The following WDR36 variants were observed in gnomAD, a reference collection of about 807,000 sequenced individuals.
WDR36 encodes WD repeat-containing protein 36.
WDR36 carries 63 observed loss-of-function variants against 112.7 expected under a neutral mutation model. The ratio of observed to expected loss-of-function variants is 0.56; its 90% CI spans 0.46 to 0.69. WDR36 has a LOEUF of 0.69. WDR36 is among the 30% of genes least tolerant of loss of function. The pLI is 0.00. For synonymous variants in WDR36, 410 were observed against 362.2 expected (o/e 1.13, Z -1.50); for missense variants, 1,226 against 1,070.3 (o/e 1.15, Z -2.03).
In WDR36 at chr5:111,104,015, A is replaced by C. The variant is rs921208098; in HGVS notation, c.730+97A>C. ...TTGTCTTCTGGTAGCTTAATCTAAT[A>C]GAAGTGAATGAATACTGGAGTAAAA... On this transcript the variant is annotated intron_variant, in intron 7 of 22. Coordinates refer to ENST00000513710, the MANE Select transcript of WDR36 (RefSeq NM_139281.3). 4 of 1,499,524 alleles carry C rather than the reference A, an allele frequency of 2.7e-6. No individual in the cohort carries two copies. In the African/African-American group the frequency reaches 5.6e-5, roughly 21 times the overall value. The allele number at this position is 1,499,524 out of a possible 1,614,324, so 92.9% of individuals were successfully genotyped here.
intron 19 of WDR36, among the ~76,000 whole-genome samples, chr5:111,122,254 G>A (rs2112589800): frequency 6.6e-6 from 1 of 152,226 alleles, no homozygotes; most frequent in Admixed American, 6.5e-5. Flanking sequence ...TGTGAGGGGA[G>A]CAATCAGAAT....
At chr5:111,115,720 A>T (rs1437779158) in intron 16 of WDR36, among the ~76,000 whole-genome samples, 1 of 152,220 alleles carries the variant, frequency 6.6e-6, no homozygotes, top group Admixed American at 6.5e-5. Context: ...GTGTATTAAC[A>T]TACAGGTATA....
At position 111,110,193 on chromosome 5, in the gene WDR36, T is replaced by C. The variant is rs149541471; in HGVS notation, c.1331T>C (p.Val444Ala). The change falls in exon 13 of 23, where the codon GTG becomes GCG. Residue 444 changes from valine (V) to alanine (A), a missense_variant. Val to Ala is a moderately conservative substitution (Grantham distance 64). Coordinates refer to ENST00000513710, the MANE Select transcript of WDR36 (RefSeq NM_139281.3). ...TGTGGGTTTTTTTTCTTAAAGGCAG[T>C]GGATATAACTTCTTGTGGAAACTTT... ...LKKDDITATA[V>A]DITSCGNFAV... The C allele has an allele frequency of 1.2e-6, 2 of 1,609,052 alleles. No individual in the cohort carries two copies. The highest frequency in any genetic ancestry group is 2.7e-5 in the African/African-American group (2 of 74,804).
Position 111,092,570 on chromosome 5 carries a change from C to G in WDR36, c.114C>G (p.Arg38=), listed in dbSNP as rs1432558212. The change falls in exon 1 of 23, where the codon CGC becomes CGG. Residue 38 remains arginine (R), a synonymous_variant. Transcript: ENST00000513710. ...PHVVRFSALK[R]RFYVTTCVGK... The stretch of plus-strand genomic sequence containing the variant: ...TGGTGCGGTTCAGCGCGCTCAAGCG[C>G]CGGTTCTATGTAACAACCTGCGTGG... 1.9e-6 allele frequency: 3 copies of G among 1,614,062 alleles called. No homozygotes were observed. The highest frequency in any genetic ancestry group is 2.5e-6 in the Non-Finnish European group (3 of 1,180,038).
At chr5:111,121,273 C>A in intron 19 of WDR36, 132 bp downstream of exon 19, 1 of 901,698 alleles carries the variant, frequency 1.1e-6, no homozygotes, top group African/African-American at 1.7e-5. Context: ...ACTGACAATG[C>A]TATTTAATCA....
chr5:111,111,011 T>C (rs112972933), intron 14 of WDR36, 58 bp downstream of exon 14: 2 of 1,597,850 alleles, frequency 1.3e-6, no homozygotes, highest in Admixed American at 3.3e-5. Context: ...AGTCATAAAG[T>C]CACAATTTAC....
intron 19 of WDR36, among the ~76,000 whole-genome samples, chr5:111,121,674 G>A (rs1325513886): frequency 6.6e-6 from 1 of 152,084 alleles, no homozygotes; most frequent in Non-Finnish European, 1.5e-5. Context: ...GTATGGTGGT[G>A]AAGAAAAAAC....
chr5:111,103,570 T>C (rs1291969595), intron 6 of WDR36, among the ~76,000 whole-genome samples: 2 of 151,710 alleles, frequency 1.3e-5, no homozygotes, highest in Non-Finnish European at 3.0e-5. Flanking sequence ...ACTGGCAGAA[T>C]TGAAGCTGGG....
intron 2 of WDR36, among the ~76,000 whole-genome samples, chr5:111,096,486 C>T (rs557336772): frequency 1.3e-5 from 2 of 152,194 alleles, no homozygotes; most frequent in Non-Finnish European, 2.9e-5. Flanking sequence ...GGCAGATCAC[C>T]TGAGGTCAGG....
At position 111,128,333 on chromosome 5, in the gene WDR36, A is replaced by G. The variant is rs2112596387; in HGVS notation, c.*1450A>G. On this transcript the variant is annotated 3_prime_UTR_variant, in exon 23 of 23. Transcript: ENST00000513710. Reference sequence around the variant, plus strand: ...TATTCATGTTTTTATTTAATGATGTAAGATAGAATTAATAAACTACTAAGG... The same window carrying G: ...TATTCATGTTTTTATTTAATGATGTGAGATAGAATTAATAAACTACTAAGG... 1 of 184,836 alleles carries G rather than the reference A, an allele frequency of 5.4e-6. No homozygotes were observed. Among genetic ancestry groups the G allele is most frequent in the African/African-American group, 2.3e-5 (1 of 42,800 alleles). 11.4% of individuals were successfully genotyped at this position (184,836 alleles called of 1,614,324 possible). A position where few individuals can be genotyped will look rare whatever the true frequency, so the allele number is the denominator to read the frequency against.
intron 3 of WDR36, 98 bp from the exon 4 acceptor site, chr5:111,098,624 G>A: frequency 1.2e-6 from 1 of 843,962 alleles, no homozygotes; most frequent in Non-Finnish European, 2.0e-6. Flanking sequence ...TTTCTTAACA[G>A]AAGCATCTCA....
In WDR36 at chr5:111,095,447, A is replaced by G. The variant is rs151025877; in HGVS notation, c.190+500A>G. 2.9e-4 allele frequency among the ~76,000 whole-genome samples: 44 copies of G among 152,330 alleles called. 1 individual carries two copies. The East Asian group carries it at 7.1e-3, about 25-fold the overall frequency. ...TGCACTGGGACTATGTAAATATCTT[A>G]GTACTCTTCAAAGTTATTACCTGCT... On this transcript the variant is annotated intron_variant, in intron 2 of 22. Coordinates refer to ENST00000513710, the MANE Select transcript of WDR36 (RefSeq NM_139281.3).
chr5:111,126,587 G>C (rs1329419616), intron 22 of WDR36, 147 bp from the exon 23 acceptor site: 3 of 869,740 alleles, frequency 3.4e-6, no homozygotes, highest in Non-Finnish European at 5.3e-6. Flanking sequence ...ATAGAGGAGG[G>C]GAAAATGGGA....
chr5:111,116,905 T>A (rs1646518499), intron 16 of WDR36, among the ~76,000 whole-genome samples: 1 of 152,240 alleles, frequency 6.6e-6, no homozygotes, highest in Non-Finnish European at 1.5e-5. Flanking sequence ...TAGGAAGTTT[T>A]ACCCTTCACG....
In WDR36 at chr5:111,119,030, T is replaced by G. The variant is rs1753513379; in HGVS notation, c.1814T>G (p.Leu605Trp). 6.2e-7 allele frequency: 1 copy of G among 1,613,618 alleles called. No individual in the cohort carries two copies. The highest frequency in any genetic ancestry group is 8.5e-7 in the Non-Finnish European group (1 of 1,179,602). Reference protein sequence around the residue: ...LPSGCLIDCFLLDSAPLNVSM... With the variant: ...LPSGCLIDCFWLDSAPLNVSM... ...TTCTGTAGCCTTATAGACTGCTTTT[T>G]GTTGGACTCGGCTCCTCTCAATGTT... Residue 605 changes from leucine to tryptophan, a missense_variant, in exon 17 of 23, where the codon TTG becomes TGG. Physicochemically the swap from Leu to Trp is moderately conservative, Grantham distance 61. Coordinates refer to ENST00000513710, the MANE Select transcript of WDR36 (RefSeq NM_139281.3).
chr5:111,102,710 T>G (rs977909241), intron 6 of WDR36, among the ~76,000 whole-genome samples: 3 of 151,608 alleles, frequency 2.0e-5, no homozygotes, highest in Non-Finnish European at 4.4e-5. Context: ...TGGAAATGAG[T>G]GTTCAGCAAT....
At chr5:111,093,854 G>A (rs1165048030) in intron 1 of WDR36, among the ~76,000 whole-genome samples, 1 of 152,134 alleles carries the variant, frequency 6.6e-6, no homozygotes, top group East Asian at 1.9e-4. Flanking sequence ...TTTACTTACT[G>A]TGTGTTGACA....
chr5:111,127,869 A>G lies in WDR36; in HGVS notation c.*986A>G, dbSNP rs1753704629. The G allele has an allele frequency of 4.8e-6, 1 of 209,670 alleles. No individual in the cohort carries two copies. Among genetic ancestry groups the G allele is most frequent in the African/African-American group, 2.3e-5 (1 of 44,062 alleles). 13.0% of individuals were successfully genotyped at this position (209,670 alleles called of 1,614,324 possible). ...TTTAGCAATATTGTTTATTGCTACC[A>G]CAGCCAAGAATGGGTATTTCAAAGC... is the stretch of plus-strand genomic sequence containing the variant. On this transcript the variant is annotated 3_prime_UTR_variant, in exon 23 of 23. Transcript: ENST00000513710.
intron 6 of WDR36, 61 bp from the exon 7 acceptor site, chr5:111,103,725 A>G: frequency 2.5e-6 from 4 of 1,595,766 alleles, no homozygotes; most frequent in Non-Finnish European, 3.4e-6. Context: ...GATGCGTATC[A>G]TCAGGATTAT....
Sources: gnomAD v4.1 joint callset for allele counts (sites outside exome capture counted in the v4.1 genomes callset) on GRCh38, gnomAD v4.1.1 for gene constraint, MANE v1.5 for transcripts, NCBI Gene and HGNC (gene_info 2026-07-23, HGNC 2026-07-21) for gene names.